Variants in CCDC141 observed in about 807,000 individuals in gnomAD.
The protein encoded by CCDC141 is coiled-coil domain-containing protein 141.
In CCDC141, 168 loss-of-function variants were observed where a neutral mutation model predicts 181.0. The observed-to-expected ratio is 0.93, with a 90% CI of 0.82 to 1.05. The LOEUF (loss-of-function observed/expected upper bound fraction) is 1.05, where lower values mean the gene tolerates loss of function less well. Among genes scored for constraint, CCDC141 ranks in the 50% least tolerant of loss-of-function variants. The pLI, the probability that CCDC141 is intolerant of heterozygous loss-of-function variation, is 0.00. For synonymous variants in CCDC141, 666 were observed against 642.3 expected, an observed-to-expected ratio of 1.04 and a Z score of -0.56; for missense variants, 1,902 against 1,788.5, an observed-to-expected ratio of 1.06 and a Z score of -1.14.
At chr2:178,847,373 A>G (rs1684983752) in intron 21 of CCDC141, among the ~76,000 whole-genome samples, 1 of 152,088 alleles carries the variant, frequency 6.6e-6, no homozygotes, top group Admixed American at 6.6e-5. Context: ...TTACAAAAAA[A>G]TCAAAACATT....
chr2:178,976,941 C>T (rs16866584), intron 3 of CCDC141, among the ~76,000 whole-genome samples: 2,919 of 152,170 alleles, frequency 0.019, 92 homozygotes, highest in African/African-American at 0.066. Flanking sequence ...GCAAACAATG[C>T]TTTACTCAGA....
At chr2:178,904,511 A>G (rs1437498225) in intron 8 of CCDC141, among the ~76,000 whole-genome samples, 3 of 152,190 alleles carry the variant, frequency 2.0e-5, no homozygotes, top group Non-Finnish European at 4.4e-5. Context: ...TGGTTCTTCA[A>G]ATTGAATGTC....
At position 178,837,158 on chromosome 2, in the gene CCDC141, T is replaced by C. The variant is rs1315926313; in HGVS notation, c.4061A>G (p.Asn1354Ser). 6.2e-7 allele frequency: 1 copy of C among 1,613,840 alleles called. No individual in the cohort carries two copies. The highest frequency in any genetic ancestry group is 2.2e-5 in the East Asian group (1 of 44,824). ...CAGCCTATCTTGGGTTTTAGTGAAG[T>C]TATTATCAGCATGCATTTTCTCCCG... ...ETREKMHADN[N>S]FTKTQDRLHA... Residue 1354 changes from asparagine to serine, a missense_variant, in exon 23 of 24, where the codon AAC (asparagine) becomes AGC (serine). Coordinates refer to ENST00000443758, the MANE Select transcript of CCDC141 (RefSeq NM_173648.4).
At chr2:178,854,300 G>A (rs1015689199) in intron 19 of CCDC141, among the ~76,000 whole-genome samples, 4 of 152,216 alleles carry the variant, frequency 2.6e-5, no homozygotes, top group African/African-American at 7.2e-5. Context: ...CGAGGCAGGC[G>A]GATCACGAGG....
chr2:178,815,956 A>G, the CCDC141 span, among the ~76,000 whole-genome samples: 4 of 152,198 alleles, frequency 2.6e-5, no homozygotes, highest in Admixed American at 2.6e-4. Flanking sequence ...ATGTAAGTTT[A>G]AAAAACAGTA....
intron 2 of CCDC141, among the ~76,000 whole-genome samples, chr2:178,996,583 TA>T (rs1432372036): frequency 6.6e-6 from 1 of 152,164 alleles, no homozygotes; most frequent in Admixed American, 6.5e-5. Context: ...GTTAAACACA[TA>T]AAATAAGCTC....
chr2:178,968,885 A>G (rs1372275834), intron 4 of CCDC141, among the ~76,000 whole-genome samples: 1 of 152,090 alleles, frequency 6.6e-6, no homozygotes, highest in Non-Finnish European at 1.5e-5. Flanking sequence ...GGCACAATAA[A>G]AAATGATATA....
In CCDC141 at chr2:178,944,627, T is replaced by C. The variant is rs963437133; in HGVS notation, c.805A>G (p.Ile269Val). ...NQVTCWFQKT[I>V]RNLQEQSLGS... ...AGACTTTGTTCCTGTAAATTTCTTATAGTTTTCTGAAACCAACAAGTAACC... is the reference window on the plus strand; with the variant it reads ...AGACTTTGTTCCTGTAAATTTCTTACAGTTTTCTGAAACCAACAAGTAACC... Residue 269 changes from isoleucine (I) to valine (V), a missense_variant, in exon 6 of 24, where the codon ATA (isoleucine) becomes GTA (valine). Ile to Val is a conservative substitution (Grantham distance 29, BLOSUM62 3). Coordinates refer to ENST00000443758, the MANE Select transcript of CCDC141 (RefSeq NM_173648.4). 4 of 1,523,310 alleles carry C rather than the reference T, an allele frequency of 2.6e-6. No homozygotes were observed. The highest frequency in any genetic ancestry group is 2.5e-5 in the East Asian group (1 of 40,422). 94.4% of individuals were successfully genotyped at this position (1,523,310 alleles called of 1,614,324 possible).
the CCDC141 span, among the ~76,000 whole-genome samples, chr2:178,816,045 T>C: frequency 6.6e-6 from 1 of 152,228 alleles, no homozygotes; most frequent in Non-Finnish European, 1.5e-5. Flanking sequence ...TATTGATGCA[T>C]TATTACTAAA....
intron 2 of CCDC141, among the ~76,000 whole-genome samples, chr2:179,022,376 T>C (rs1471598701): frequency 6.6e-6 from 1 of 152,182 alleles, no homozygotes; most frequent in Admixed American, 6.5e-5. Flanking sequence ...GAAGTTTTTG[T>C]ACCAAACAGA....
chr2:178,962,893 A>G (rs186534840), intron 4 of CCDC141, among the ~76,000 whole-genome samples: 29 of 152,134 alleles, frequency 1.9e-4, no homozygotes, highest in African/African-American at 7.0e-4. Context: ...CACTATGTCC[A>G]CTCACATCCT....
At chr2:178,868,347 A>G (rs1685947271) in intron 15 of CCDC141, 142 bp from the exon 16 acceptor site, 2 of 635,944 alleles carry the variant, frequency 3.1e-6, no homozygotes, top group Non-Finnish European at 5.4e-6. Context: ...AGCCAAATAA[A>G]TGTTAGAATG....
At chr2:178,867,277 T>G (rs570916117) in intron 16 of CCDC141, among the ~76,000 whole-genome samples, 1 of 152,316 alleles carries the variant, frequency 6.6e-6, no homozygotes, top group Non-Finnish European at 1.5e-5. Context: ...CTTCCAGATC[T>G]GCAATGCTAA....
intron 8 of CCDC141, among the ~76,000 whole-genome samples, chr2:178,900,825 A>C (rs2154372376): frequency 6.6e-6 from 1 of 152,310 alleles, no homozygotes; most frequent in East Asian, 1.9e-4. Context: ...ATTTACCCTC[A>C]TGCCTTAACC....
intron 14 of CCDC141, among the ~76,000 whole-genome samples, chr2:178,870,231 C>CAAAAAAAAAAAAAAAAAAAAAAAAA (rs34625707): frequency 2.8e-4 from 17 of 60,288 alleles, no homozygotes; most frequent in Non-Finnish European, 4.7e-4. Context: ...GACTCTGTCT[C>CAAAAAAAAAAAAAAAAAAAAAAAAA]AAAAAAAAAA....
At chr2:178,934,495 T>C (rs902146968) in intron 6 of CCDC141, among the ~76,000 whole-genome samples, 1 of 152,126 alleles carries the variant, frequency 6.6e-6, no homozygotes, top group Admixed American at 6.6e-5. Flanking sequence ...GTCTCTTATA[T>C]ATGCAAAAGA....
intron 2 of CCDC141, among the ~76,000 whole-genome samples, chr2:178,989,756 A>T (rs77430766): frequency 0.078 from 11,458 of 147,620 alleles, 1,007 homozygotes; most frequent in African/African-American, 0.21. Flanking sequence ...TGCTCAAATG[A>T]TTAGTCTTAG....
At chr2:178,912,046 C>G (rs1688240886) in intron 7 of CCDC141, among the ~76,000 whole-genome samples, 4 of 152,176 alleles carry the variant, frequency 2.6e-5, no homozygotes, top group Admixed American at 6.5e-5. Context: ...CCTTGAAACT[C>G]TACAGTTTAT....
At chr2:179,037,634 C>T (rs1471576406) in intron 2 of CCDC141, among the ~76,000 whole-genome samples, 3 of 152,118 alleles carry the variant, frequency 2.0e-5, no homozygotes, top group Non-Finnish European at 4.4e-5. Context: ...ATAAAAAGAA[C>T]TTCTACAACT....
Sources: gnomAD v4.1 joint callset for allele counts (sites outside exome capture counted in the v4.1 genomes callset) on GRCh38, gnomAD v4.1.1 for gene constraint, MANE v1.5 for transcripts, NCBI Gene and HGNC (gene_info 2026-07-23, HGNC 2026-07-21) for gene names.